NKD1: variants seen among roughly 807,000 people sequenced by gnomAD.
NKD1 encodes the protein NKD inhibitor of Wnt signaling pathway 1.
A neutral mutation model predicts 56.0 loss-of-function variants in NKD1; 21 were observed. That is an observed-to-expected ratio of 0.38 (90% CI 0.27 to 0.54). The LOEUF is 0.54. Ranked by LOEUF, NKD1 falls within the 20% of genes least tolerant of loss-of-function variation. NKD1 has a pLI of 0.82. For synonymous variants in NKD1, 263 were observed against 265.7 expected (o/e 0.99, Z 0.10); for missense variants, 578 against 642.7 (o/e 0.90, Z 1.09).
intron 4 of NKD1, among the ~76,000 whole-genome samples, chr16:50,610,992 A>C (rs1418136045): frequency 6.6e-6 from 1 of 152,168 alleles, no homozygotes; most frequent in Non-Finnish European, 1.5e-5. Context: ...CTGAGGTCTG[A>C]GGACCAGGGA....
At chr16:50,607,100 G>A (rs1469089855) in intron 3 of NKD1, 24 of 446,846 alleles carry the variant, frequency 5.4e-5, no homozygotes, top group African/African-American at 2.2e-4. Context: ...ATGGGACACC[G>A]GAGTCTGAAT....
intron 4 of NKD1, among the ~76,000 whole-genome samples, chr16:50,612,967 G>A (rs751157736): frequency 2.0e-5 from 3 of 152,294 alleles, no homozygotes; most frequent in Admixed American, 1.3e-4. Flanking sequence ...GGTCGCAGGC[G>A]AGAGGAGATG....
chr16:50,603,361 G>A (rs1041723854), intron 3 of NKD1, among the ~76,000 whole-genome samples: 3 of 152,190 alleles, frequency 2.0e-5, no homozygotes, highest in African/African-American at 7.2e-5. Flanking sequence ...CCTTGAGAGC[G>A]CCTGGCCAGG....
intron 3 of NKD1, among the ~76,000 whole-genome samples, chr16:50,577,819 A>C (rs969932407): frequency 2.0e-5 from 3 of 152,220 alleles, no homozygotes; most frequent in Non-Finnish European, 4.4e-5. Flanking sequence ...CAGGGGTCTT[A>C]AAGTTGACCT....
In NKD1 at chr16:50,633,043, A is replaced by G; in HGVS notation, c.824-149A>G. 3.2e-6 allele frequency: 2 copies of G among 634,866 alleles called. No homozygotes were observed. Among genetic ancestry groups the G allele is most frequent in the Non-Finnish European group, 5.1e-6 (2 of 391,762 alleles). The allele number at this position is 634,866 out of a possible 1,614,324, so 39.3% of individuals were successfully genotyped here. A position where few individuals can be genotyped will look rare whatever the true frequency, so the allele number is the denominator to read the frequency against. ...CAGATGGGAAAGTTCCATTTCAGAG[A>G]GTTTTCCTGCAAGGCAGTGAGGGGC... On this transcript the variant is annotated intron_variant, in intron 9 of 9. Coordinates refer to ENST00000268459, the MANE Select transcript of NKD1 (RefSeq NM_033119.5). This position sits in a 1 kb window ranked among gnomAD's most constrained non-coding sequence, Gnocchi z 4.9.
intron 3 of NKD1, among the ~76,000 whole-genome samples, chr16:50,579,778 G>T (rs909966017): frequency 6.6e-6 from 1 of 151,972 alleles, no homozygotes; most frequent in African/African-American, 2.4e-5. Flanking sequence ...CGCTACACAC[G>T]CACTCTAACC....
At chr16:50,608,785 G>T (rs1961776776) in intron 4 of NKD1, among the ~76,000 whole-genome samples, 1 of 152,148 alleles carries the variant, frequency 6.6e-6, no homozygotes. Flanking sequence ...GTGCATGAGT[G>T]TGCACACACA....
chr16:50,585,052 G>A (rs895854914), intron 3 of NKD1, among the ~76,000 whole-genome samples: 1 of 152,224 alleles, frequency 6.6e-6, no homozygotes, highest in South Asian at 2.1e-4. Context: ...CAGATTTGGG[G>A]TATGCTGCTT....
intron 4 of NKD1, among the ~76,000 whole-genome samples, chr16:50,618,366 A>G (rs1962009283): frequency 6.6e-6 from 1 of 152,190 alleles, no homozygotes; most frequent in Admixed American, 6.5e-5. Flanking sequence ...AACTATCATC[A>G]TTGCAATCCC....
chr16:50,586,215 C>T (rs2151270555), intron 3 of NKD1, among the ~76,000 whole-genome samples: 1 of 152,308 alleles, frequency 6.6e-6, no homozygotes, highest in South Asian at 2.1e-4. Flanking sequence ...TCACCTCGTT[C>T]TTCTGTGAAC....
intron 3 of NKD1, among the ~76,000 whole-genome samples, chr16:50,594,495 C>T (rs1330779574): frequency 1.3e-5 from 2 of 152,300 alleles, no homozygotes; most frequent in African/African-American, 4.8e-5. Context: ...GACACTGTCC[C>T]AGGGCAGGGC....
At chr16:50,590,896 C>T (rs1961352030) in intron 3 of NKD1, among the ~76,000 whole-genome samples, 1 of 152,206 alleles carries the variant, frequency 6.6e-6, no homozygotes, top group African/African-American at 2.4e-5. Flanking sequence ...CGGCTCACTG[C>T]AACCTCCACC....
At chr16:50,601,638 T>G (rs1961599096) in intron 3 of NKD1, among the ~76,000 whole-genome samples, 1 of 152,154 alleles carries the variant, frequency 6.6e-6, no homozygotes, top group African/African-American at 2.4e-5. Context: ...AGAGAAGAGC[T>G]CGTCCCCGTC....
intron 3 of NKD1, among the ~76,000 whole-genome samples, chr16:50,588,025 G>T (rs1961267576): frequency 6.6e-6 from 1 of 152,204 alleles, no homozygotes; most frequent in Non-Finnish European, 1.5e-5. Flanking sequence ...GTGCCAAAAA[G>T]GTTGGGGATC....
intron 3 of NKD1, chr16:50,606,527 G>A (rs1373995614): frequency 6.0e-6 from 2 of 335,754 alleles, no homozygotes; most frequent in East Asian, 1.5e-4. Context: ...TCTCCGAGCA[G>A]GGAGTGCTGA....
intron 3 of NKD1, chr16:50,556,665 G>A (rs2151262621): frequency 6.6e-6 from 1 of 151,320 alleles, no homozygotes. Flanking sequence ...CTGAGAAGTA[G>A]AATAACATCA....
chr16:50,549,580 C>T, intron 3 of NKD1, 25 bp downstream of exon 3: 1 of 1,537,898 alleles, frequency 6.5e-7, no homozygotes. Flanking sequence ...CCCTGCCCCA[C>T]CTCCTGGCCT....
Position 50,621,690 on chromosome 16 carries a change from G to A in NKD1, c.348G>A (p.Lys116=). The A allele has an allele frequency of 6.2e-7, 1 of 1,613,798 alleles. No homozygotes were observed. The highest frequency in any genetic ancestry group is 1.1e-5 in the South Asian group (1 of 90,992). ...ERVSEPCPGS[K]KQLKFEELQC... is the part of the protein sequence containing the mutation. The stretch of plus-strand genomic sequence containing the variant: ...TGAGCGAACCCTGCCCAGGCTCCAA[G>A]AAGCAGCTGAAGTTTGAAGTAAGTT... Residue 116 remains lysine (K), a synonymous_variant, in exon 5 of 10, where the codon AAG becomes AAA. Coordinates refer to ENST00000268459, the MANE Select transcript of NKD1 (RefSeq NM_033119.5).
chr16:50,602,648 G>A (rs975152372), intron 3 of NKD1, among the ~76,000 whole-genome samples: 11 of 152,118 alleles, frequency 7.2e-5, no homozygotes, highest in East Asian at 3.9e-4. Context: ...CGTGGCTGTC[G>A]TCTTCCGCAT....
Sources: gnomAD v4.1 joint callset for allele counts (sites outside exome capture counted in the v4.1 genomes callset) on GRCh38, gnomAD v4.1.1 for gene constraint, Gnocchi (gnomAD v3.1) non-coding constraint, MANE v1.5 for transcripts, NCBI Gene and HGNC (gene_info 2026-07-23, HGNC 2026-07-21) for gene names.